JADE2: variants seen among roughly 807,000 people sequenced by gnomAD.
JADE2 encodes the protein E3 ubiquitin-protein ligase Jade-2.
A neutral mutation model predicts 85.7 loss-of-function variants in JADE2; 13 were observed. That is an observed-to-expected ratio of 0.15 (90% CI 0.10 to 0.24). The LOEUF (loss-of-function observed/expected upper bound fraction) is 0.24. Among genes scored for constraint, JADE2 ranks in the 10% least tolerant of loss-of-function variants. The pLI is 1.00. For synonymous variants in JADE2, 440 were observed against 456.1 expected, an observed-to-expected ratio of 0.96 and a Z score of 0.45; for missense variants, 846 against 1,115.9, an observed-to-expected ratio of 0.76 and a Z score of 3.45.
intron 3 of JADE2, among the ~76,000 whole-genome samples, chr5:134,543,446 G>A (rs894531898): frequency 2.0e-5 from 3 of 150,894 alleles, no homozygotes; most frequent in Non-Finnish European, 4.4e-5. Flanking sequence ...GCCAAGGCAG[G>A]CAGATCACTC....
chr5:134,533,954 C>G (rs556161341), intron 1 of JADE2, among the ~76,000 whole-genome samples: 1 of 152,142 alleles, frequency 6.6e-6, no homozygotes, highest in South Asian at 2.1e-4. Flanking sequence ...CTACGTTCCC[C>G]AGGCTGGTCT....
Position 134,562,250 on chromosome 5 carries a change from G to T in JADE2, c.735G>T (p.Thr245=). 1 of 1,613,982 alleles carries T rather than the reference G, an allele frequency of 6.2e-7. No homozygotes were observed. The highest frequency in any genetic ancestry group is 8.5e-7 in the Non-Finnish European group (1 of 1,179,954). Residue 245 remains threonine, a synonymous_variant, in exon 7 of 12, where the codon ACG becomes ACT. Transcript: ENST00000681547. This position sits in a 1 kb window ranked among gnomAD's most constrained non-coding sequence, Gnocchi z 4.6. ...KVPTGSWLCR[T]CALGVQPKCL... Reference sequence around the variant, plus strand: ...CCACGGGCAGCTGGCTGTGCCGGACGTGTGCCCTGGGTGTCCAGCCAAAGT... The same window carrying T: ...CCACGGGCAGCTGGCTGTGCCGGACTTGTGCCCTGGGTGTCCAGCCAAAGT...
At chr5:134,545,206 T>G (rs1259377823) in intron 3 of JADE2, among the ~76,000 whole-genome samples, 1 of 152,212 alleles carries the variant, frequency 6.6e-6, no homozygotes, top group Admixed American at 6.5e-5. Flanking sequence ...GCTAAGTGCC[T>G]GCTTTCTGAG....
At chr5:134,555,058 G>T (rs1490884384) in intron 4 of JADE2, among the ~76,000 whole-genome samples, 2 of 152,186 alleles carry the variant, frequency 1.3e-5, no homozygotes, top group East Asian at 1.9e-4. Context: ...GGCTGCCCCT[G>T]TGAGGCCCAG....
At chr5:134,545,981 A>T (rs879304016) in intron 3 of JADE2, among the ~76,000 whole-genome samples, 11 of 152,192 alleles carry the variant, frequency 7.2e-5, no homozygotes, top group Admixed American at 3.9e-4. Context: ...TGGCTTTGGG[A>T]CAGTGACCAA....
chr5:134,570,180 C>T (rs1581473991), intron 9 of JADE2, among the ~76,000 whole-genome samples: 1 of 152,274 alleles, frequency 6.6e-6, no homozygotes, highest in East Asian at 1.9e-4. Flanking sequence ...CAGGGCAGTC[C>T]CTGCCGCACA....
Position 134,525,790 on chromosome 5 carries a change from G to A in JADE2, c.-222G>A, listed in dbSNP as rs1179702242. On this transcript the variant is annotated 5_prime_UTR_variant, in exon 1 of 12. Transcript: ENST00000681547. ...CTTTGCGCCCACTCCTAGCGGCACC[G>A]GCTTAGGTCCTGCGGGCCGACCGTC... 1 of 1,071,012 alleles carries A rather than the reference G, an allele frequency of 9.3e-7. No individual in the cohort carries two copies. The highest frequency in any genetic ancestry group is 1.1e-6 in the Non-Finnish European group (1 of 879,050). 66.3% of individuals were successfully genotyped at this position (1,071,012 alleles called of 1,614,324 possible).
At chr5:134,556,923 T>G (rs1372106054) in intron 4 of JADE2, among the ~76,000 whole-genome samples, 2 of 103,154 alleles carry the variant, frequency 1.9e-5, no homozygotes, top group African/African-American at 8.1e-5. Context: ...CACACACACA[T>G]CACACAGCAC....
chr5:134,552,102 G>T lies in JADE2; in HGVS notation c.204G>T (p.Gln68His). 6.2e-7 allele frequency: 1 copy of T among 1,614,176 alleles called. No homozygotes were observed. The highest frequency in any genetic ancestry group is 1.1e-5 in the South Asian group (1 of 91,078). Residue 68 changes from glutamine (Q) to histidine (H), a missense_variant, in exon 4 of 12, where the codon CAG becomes CAT. Transcript: ENST00000681547. Reference protein sequence around the residue: ...ITAMKIPDSYQLSPDDYYILA... With the variant: ...ITAMKIPDSYHLSPDDYYILA... ...CCATGAAGATCCCGGACTCATACCA[G>T]CTCAGCCCGGATGACTACTACATCC...
intron 1 of JADE2, 127 bp downstream of exon 1, chr5:134,526,138 T>C: frequency 1.0e-6 from 1 of 985,138 alleles, no homozygotes; most frequent in Non-Finnish European, 1.2e-6. Context: ...CTCTCTCTCC[T>C]GCTGGCTGCC....
chr5:134,525,184 TG>T (rs1409963418), upstream of JADE2, among the ~76,000 whole-genome samples: 4 of 150,396 alleles, frequency 2.7e-5, no homozygotes, highest in African/African-American at 4.9e-5. Flanking sequence ...TTTTTAAGGT[TG>T]CGGGGGGCGC....
At chr5:134,551,608 C>A (rs891799845) in intron 3 of JADE2, among the ~76,000 whole-genome samples, 1 of 151,514 alleles carries the variant, frequency 6.6e-6, no homozygotes, top group Non-Finnish European at 1.5e-5. Flanking sequence ...GAACTCCTGG[C>A]CTCAAGCAGT....
intron 1 of JADE2, among the ~76,000 whole-genome samples, chr5:134,528,458 A>G (rs1761020679): frequency 1.3e-5 from 2 of 152,120 alleles, no homozygotes; most frequent in Admixed American, 1.3e-4. Context: ...GAATAACTAT[A>G]AGGGGGAAGG....
intron 3 of JADE2, among the ~76,000 whole-genome samples, chr5:134,545,756 A>G (rs1331433027): frequency 1.3e-5 from 2 of 152,218 alleles, no homozygotes; most frequent in African/African-American, 4.8e-5. Context: ...AATACCTGAC[A>G]TGCCTTAACA....
chr5:134,573,550 C>T (rs1764172276), intron 9 of JADE2, 95 bp from the exon 10 acceptor site: 1 of 839,236 alleles, frequency 1.2e-6, no homozygotes, highest in African/African-American at 1.7e-5. Context: ...GCCTGTGCCC[C>T]TGGCACTGCC....
At chr5:134,570,332 C>T (rs988343939) in intron 9 of JADE2, among the ~76,000 whole-genome samples, 6 of 152,182 alleles carry the variant, frequency 3.9e-5, no homozygotes, top group African/African-American at 1.2e-4. Flanking sequence ...TCTTCCTTCC[C>T]CCACAGGGGC....
chr5:134,555,650 A>G (rs1762866770), intron 4 of JADE2, among the ~76,000 whole-genome samples: 1 of 152,258 alleles, frequency 6.6e-6, no homozygotes, highest in South Asian at 2.1e-4. Context: ...TAGTTATGCC[A>G]GGAAGTGGTG....
At chr5:134,558,959 G>A (rs1763158125) in intron 4 of JADE2, among the ~76,000 whole-genome samples, 1 of 152,228 alleles carries the variant, frequency 6.6e-6, no homozygotes, top group Admixed American at 6.5e-5. Context: ...CACCCTGCGG[G>A]CAGGCCTCTC....
Position 134,578,860 on chromosome 5 carries a change from G to A in JADE2, c.2048G>A (p.Gly683Asp), listed in dbSNP as rs1764548387. The A allele has an allele frequency of 6.2e-7, 1 of 1,613,772 alleles. No individual in the cohort carries two copies. The highest frequency in any genetic ancestry group is 1.1e-5 in the South Asian group (1 of 91,084). Residue 683 changes from glycine to aspartate, a missense_variant, in exon 12 of 12, where the codon GGT becomes GAT. By Grantham distance (94) the Gly-to-Asp change is moderately conservative. Around this residue, in one of 9 missense-constraint regions of JADE2, gnomAD observed 300 missense variants for 300.7 expected, o/e 1.00. Transcript: ENST00000681547. This position sits in a 1 kb window ranked among gnomAD's most constrained non-coding sequence, Gnocchi z 4.4. Reference protein sequence around the residue: ...WGQDAGSGKGGQGPPTRKPPR... With the variant: ...WGQDAGSGKGDQGPPTRKPPR... The stretch of plus-strand genomic sequence containing the variant: ...CAGGATGCAGGCAGTGGCAAGGGGG[G>A]TCAAGGGCCACCTACCAGGAAGCCA...
Sources: gnomAD v4.1 joint callset for allele counts (sites outside exome capture counted in the v4.1 genomes callset) on GRCh38, gnomAD v4.1.1 for gene constraint, gnomAD v4.1.1 regional missense constraint, Gnocchi (gnomAD v3.1) non-coding constraint, MANE v1.5 for transcripts, NCBI Gene and HGNC (gene_info 2026-07-23, HGNC 2026-07-21) for gene names.